The following BRINP3 variants were observed in gnomAD, a reference collection of about 807,000 sequenced individuals.
BRINP3 encodes the protein BMP/retinoic acid-inducible neural-specific protein 3.
BRINP3 carries 19 observed loss-of-function variants against 71.0 expected under a neutral mutation model. The ratio of observed to expected loss-of-function variants is 0.27; its 90% CI spans 0.19 to 0.39. The LOEUF (loss-of-function observed/expected upper bound fraction) is 0.39, where lower values mean the gene tolerates loss of function less well. BRINP3 is among the 10% of genes least tolerant of loss of function. The pLI, the probability that BRINP3 is intolerant of heterozygous loss-of-function variation, is 1.00. For synonymous variants in BRINP3, 380 were observed against 337.7 expected (o/e 1.13, Z -1.37); for missense variants, 959 against 940.8 (o/e 1.02, Z -0.25).
At chr1:190,436,335 A>G (rs1674451932) in intron 2 of BRINP3, among the ~76,000 whole-genome samples, 1 of 151,820 alleles carries the variant, frequency 6.6e-6, no homozygotes, top group South Asian at 2.1e-4. Context: ...TCAAAGAGGG[A>G]GCAATTAGTG....
chr1:190,451,197 A>ATT lies in BRINP3; in HGVS notation c.236+3456_236+3457dup, dbSNP rs397740922. Among the ~76,000 whole-genome samples the ATT allele has an allele frequency of 3.7e-3, 563 of 151,406 alleles. 4 individuals carry two copies. Among genetic ancestry groups the ATT allele is most frequent in the African/African-American group, 0.013 (523 of 41,296 alleles). On this transcript the variant is annotated intron_variant, in intron 2 of 7. Transcript: ENST00000367462. ...TAGAAGTTAGGGAAAGAAAAAAAAA[A>ATT]TTTTTGTTTTGAGTCATCATATCTG...
At chr1:190,448,795 T>C (rs1675408922) in intron 2 of BRINP3, among the ~76,000 whole-genome samples, 1 of 151,946 alleles carries the variant, frequency 6.6e-6, no homozygotes, top group South Asian at 2.1e-4. Context: ...GGTCACCTTG[T>C]TTCAAGTTTG....
chr1:190,426,211 C>T (rs1322280756), intron 2 of BRINP3, among the ~76,000 whole-genome samples: 4 of 151,822 alleles, frequency 2.6e-5, no homozygotes, highest in Non-Finnish European at 5.9e-5. Context: ...AAAATTTTCC[C>T]AGTCTCACCT....
At chr1:190,452,550 C>A (rs530693230) in intron 2 of BRINP3, among the ~76,000 whole-genome samples, 2 of 152,224 alleles carry the variant, frequency 1.3e-5, no homozygotes, top group South Asian at 4.1e-4. Context: ...TTCATTCAAC[C>A]CAGCACCTCT....
intron 6 of BRINP3, among the ~76,000 whole-genome samples, chr1:190,168,899 T>C (rs1651783949): frequency 6.6e-6 from 1 of 152,234 alleles, no homozygotes; most frequent in South Asian, 2.1e-4. Context: ...TTGTTTTCTC[T>C]ATAACTGTAA....
chr1:190,199,944 C>G (rs530434843), intron 6 of BRINP3, among the ~76,000 whole-genome samples: 1 of 152,050 alleles, frequency 6.6e-6, no homozygotes, highest in Non-Finnish European at 1.5e-5. Flanking sequence ...TTGCCAGACT[C>G]ATTTTCTACC....
intron 2 of BRINP3, among the ~76,000 whole-genome samples, chr1:190,389,092 T>C (rs1671087227): frequency 6.6e-6 from 1 of 151,580 alleles, no homozygotes; most frequent in Non-Finnish European, 1.5e-5. Flanking sequence ...AGAAAAGCAT[T>C]ATTTACCAGG....
chr1:190,429,388 G>A (rs1673939686), intron 2 of BRINP3, among the ~76,000 whole-genome samples: 2 of 152,086 alleles, frequency 1.3e-5, no homozygotes, highest in Admixed American at 6.5e-5. Context: ...GTAGACTTTT[G>A]TATAATGAAG....
chr1:190,472,684 G>A (rs1216891179), intron 1 of BRINP3, among the ~76,000 whole-genome samples: 2 of 151,618 alleles, frequency 1.3e-5, no homozygotes, highest in Non-Finnish European at 3.0e-5. Flanking sequence ...AAACATAAAA[G>A]TTTGGAAATC....
intron 6 of BRINP3, among the ~76,000 whole-genome samples, chr1:190,193,001 G>A (rs543223624): frequency 2.0e-5 from 3 of 152,216 alleles, no homozygotes; most frequent in Admixed American, 6.5e-5. Context: ...TCTGCCTTAT[G>A]CAGAAGTCAG....
chr1:190,178,101 T>C (rs1341613988), intron 6 of BRINP3, among the ~76,000 whole-genome samples: 1 of 152,154 alleles, frequency 6.6e-6, no homozygotes, highest in Non-Finnish European at 1.5e-5. Flanking sequence ...CCTTTCAGGG[T>C]CCTGGAACCC....
At chr1:190,183,508 T>G (rs1653229595) in intron 6 of BRINP3, among the ~76,000 whole-genome samples, 2 of 152,032 alleles carry the variant, frequency 1.3e-5, no homozygotes, top group African/African-American at 4.8e-5. Context: ...TGTCTTCCAT[T>G]GAAACACCTG....
chr1:190,227,854 G>T (rs1242355860), intron 5 of BRINP3, among the ~76,000 whole-genome samples: 1 of 151,868 alleles, frequency 6.6e-6, no homozygotes, highest in East Asian at 1.9e-4. Context: ...GAGTCATGTT[G>T]TTGGGATTCC....
chr1:190,394,628 A>C (rs1169344165), intron 2 of BRINP3, among the ~76,000 whole-genome samples: 3 of 151,686 alleles, frequency 2.0e-5, no homozygotes, highest in Admixed American at 1.3e-4. Context: ...AAATTAAAGC[A>C]TAGCAAAAAA....
intron 6 of BRINP3, among the ~76,000 whole-genome samples, chr1:190,202,900 T>A (rs1321478685): frequency 6.6e-6 from 1 of 152,084 alleles, no homozygotes; most frequent in Non-Finnish European, 1.5e-5. Flanking sequence ...AATGGCCTAA[T>A]ACAGAAGATT....
chr1:190,393,519 A>G (rs1345751012), intron 2 of BRINP3, among the ~76,000 whole-genome samples: 1 of 151,610 alleles, frequency 6.6e-6, no homozygotes, highest in Non-Finnish European at 1.5e-5. Context: ...TCTGTGATAC[A>G]TATAACAACG....
At chr1:190,101,808 G>T (rs144676935) in intron 7 of BRINP3, among the ~76,000 whole-genome samples, 53 of 152,234 alleles carry the variant, frequency 3.5e-4, no homozygotes, top group African/African-American at 1.2e-3. Flanking sequence ...TAGACCTAAG[G>T]CAAAGATAGA....
rs142956067 is a variant in BRINP3, at chr1:190,428,175, A to G, written c.236+26480T>C. Reference sequence around the variant, plus strand: ...AGATATTGGCAATAAAGAGGAAGAGATTGAACTAGAAGGTATGCTTTTCCT... The same window carrying G: ...AGATATTGGCAATAAAGAGGAAGAGGTTGAACTAGAAGGTATGCTTTTCCT... On this transcript the variant is annotated intron_variant, in intron 2 of 7. Coordinates refer to ENST00000367462, the MANE Select transcript of BRINP3 (RefSeq NM_199051.3). 6.0e-4 allele frequency among the ~76,000 whole-genome samples: 91 copies of G among 152,078 alleles called. 2 individuals carry two copies. The East Asian group carries it at 0.017, about 29-fold the overall frequency.
At chr1:190,366,360 A>T (rs1049357652) in intron 2 of BRINP3, among the ~76,000 whole-genome samples, 1 of 150,302 alleles carries the variant, frequency 6.7e-6, no homozygotes, top group African/African-American at 2.5e-5. Context: ...CTGAGAACTC[A>T]CTCACTAGCA....
Sources: gnomAD v4.1 joint callset for allele counts (sites outside exome capture counted in the v4.1 genomes callset) on GRCh38, gnomAD v4.1.1 for gene constraint, MANE v1.5 for transcripts, NCBI Gene and HGNC (gene_info 2026-07-23, HGNC 2026-07-21) for gene names.